XNDC1N: variants seen among roughly 807,000 people sequenced by gnomAD.
XNDC1N encodes protein XNDC1N.
At chr11:71,889,962 C>T in the XNDC1N span, among the ~76,000 whole-genome samples, 1 of 152,158 alleles carries the variant, frequency 6.6e-6, no homozygotes, top group African/African-American at 2.4e-5. Context: ...TCGGCTCAGA[C>T]AACGGGCCTG....
chr11:71,914,436 C>T, the XNDC1N span: 5 of 453,580 alleles, frequency 1.1e-5, no homozygotes, highest in Admixed American at 2.4e-5. Context: ...CCTGTAATCC[C>T]AGAACTTTGG....
chr11:71,919,768 C>A, the XNDC1N span, among the ~76,000 whole-genome samples: 2 of 150,322 alleles, frequency 1.3e-5, no homozygotes, highest in Non-Finnish European at 1.5e-5. Context: ...CAGGCGCCCA[C>A]CACCATGCCC....
chr11:71,907,483 C>A, the XNDC1N span, among the ~76,000 whole-genome samples: 1 of 151,194 alleles, frequency 6.6e-6, no homozygotes, highest in African/African-American at 2.4e-5. Context: ...CCCCCTGGCT[C>A]TTAGGATCCG....
the XNDC1N span, among the ~76,000 whole-genome samples, chr11:71,911,378 A>C: frequency 6.6e-6 from 1 of 152,102 alleles, no homozygotes; most frequent in Non-Finnish European, 1.5e-5. Context: ...GAAGTGTTGG[A>C]CTCAATTCAC....
chr11:71,873,044 C>T, the XNDC1N span, among the ~76,000 whole-genome samples: 2 of 152,040 alleles, frequency 1.3e-5, no homozygotes, highest in African/African-American at 2.4e-5. Flanking sequence ...TATGAATCTT[C>T]CCATAAACTA....
chr11:71,888,486 C>A, the XNDC1N span, among the ~76,000 whole-genome samples: 1 of 152,168 alleles, frequency 6.6e-6, no homozygotes, highest in African/African-American at 2.4e-5. Context: ...CCTCTGGCAG[C>A]CCCAGCCCTG....
the XNDC1N span, chr11:71,928,248 C>G: frequency 1.8e-6 from 1 of 556,202 alleles, no homozygotes; most frequent in East Asian, 3.1e-5. Flanking sequence ...GGAGCTCAAG[C>G]CGCACCGCTG....
the XNDC1N span, among the ~76,000 whole-genome samples, chr11:71,882,403 G>A: frequency 1.3e-5 from 2 of 152,068 alleles, no homozygotes; most frequent in African/African-American, 4.8e-5. Flanking sequence ...GGCTAATTTT[G>A]TATTTTTAGT....
the XNDC1N span, among the ~76,000 whole-genome samples, chr11:71,925,329 C>T: frequency 1.3e-5 from 2 of 152,078 alleles, no homozygotes; most frequent in East Asian, 1.9e-4. Flanking sequence ...GTCTGTTGAA[C>T]GAATGACCAT....
the XNDC1N span, among the ~76,000 whole-genome samples, chr11:71,878,766 G>A: frequency 1.3e-5 from 2 of 152,040 alleles, no homozygotes; most frequent in African/African-American, 2.4e-5. Context: ...AGTTTGAGGT[G>A]GGTGAGCTTG....
chr11:71,911,614 G>A, the XNDC1N span, among the ~76,000 whole-genome samples: 1 of 152,152 alleles, frequency 6.6e-6, no homozygotes, highest in African/African-American at 2.4e-5. Flanking sequence ...GGGTGAGACT[G>A]TCAACATTTA....
chr11:71,865,992 G>T, the XNDC1N span: 1 of 286,390 alleles, frequency 3.5e-6, no homozygotes, highest in Non-Finnish European at 6.8e-6. Context: ...AAGTAAATAG[G>T]AGTTAGAAAA....
At chr11:71,889,712 A>G in the XNDC1N span, among the ~76,000 whole-genome samples, 1 of 152,162 alleles carries the variant, frequency 6.6e-6, no homozygotes, top group East Asian at 1.9e-4. Flanking sequence ...CGACAGCATG[A>G]TATGAGGCAA....
chr11:71,868,992 T>C, the XNDC1N span, among the ~76,000 whole-genome samples: 1 of 152,168 alleles, frequency 6.6e-6, no homozygotes, highest in African/African-American at 2.4e-5. Context: ...TCTTTTTTCT[T>C]TATTTTTGTC....
chr11:71,919,929 C>CTTCTTTTTTTT, the XNDC1N span, among the ~76,000 whole-genome samples: 35 of 26,630 alleles, frequency 1.3e-3, 1 homozygote, highest in Non-Finnish European at 2.4e-3. Flanking sequence ...AAGCAGGCCT[C>CTTCTTTTTTTT]TTTTTTTTTT....
At chr11:71,904,925 C>T in the XNDC1N span, among the ~76,000 whole-genome samples, 6 of 151,948 alleles carry the variant, frequency 3.9e-5, no homozygotes, top group Admixed American at 2.0e-4. Flanking sequence ...TAGGACATTA[C>T]GAATAATATC....
chr11:71,904,232 G>A, the XNDC1N span, among the ~76,000 whole-genome samples: 3 of 152,186 alleles, frequency 2.0e-5, no homozygotes, highest in South Asian at 2.1e-4. Context: ...GTCATTACGA[G>A]TAATACCTTC....
At chr11:71,895,317 CT>C in the XNDC1N span, among the ~76,000 whole-genome samples, 87 of 150,390 alleles carry the variant, frequency 5.8e-4, no homozygotes, top group African/African-American at 1.8e-3. Flanking sequence ...ATTTCTTTCC[CT>C]TTTTTTTTGA....
chr11:71,897,350 A>C, the XNDC1N span, among the ~76,000 whole-genome samples: 1 of 152,246 alleles, frequency 6.6e-6, no homozygotes, highest in African/African-American at 2.4e-5. Flanking sequence ...GCTGACAGCC[A>C]TCATATATAA....
Sources: gnomAD v4.1 joint callset for allele counts (sites outside exome capture counted in the v4.1 genomes callset) on GRCh38, gnomAD v4.1.1 for gene constraint, MANE v1.5 for transcripts, NCBI Gene and HGNC (gene_info 2026-07-23, HGNC 2026-07-21) for gene names.